The following NBAS variants were observed in gnomAD, a reference collection of about 807,000 sequenced individuals.
The protein encoded by NBAS is NBAS subunit of NRZ tethering complex.
A neutral mutation model predicts 302.5 loss-of-function variants in NBAS; 219 were observed. That is an observed-to-expected ratio of 0.72 (90% CI 0.65 to 0.81). NBAS has a LOEUF of 0.81. Among genes scored for constraint, NBAS ranks in the 30% least tolerant of loss-of-function variants. NBAS has a pLI of 0.00. For missense variants in NBAS, 2,932 were observed against 2,841.6 expected (o/e 1.03, Z -0.72); for synonymous variants, 1,118 against 1,021.6 (o/e 1.09, Z -1.80).
At chr2:15,219,944 G>A (rs1445406149) in intron 47 of NBAS, among the ~76,000 whole-genome samples, 50 of 133,974 alleles carry the variant, frequency 3.7e-4, no homozygotes, top group Admixed American at 4.6e-4. Flanking sequence ...GCGGCTGGCC[G>A]GGCAGAGGGC....
the NBAS span, among the ~76,000 whole-genome samples, chr2:14,978,856 C>T: frequency 3.3e-4 from 50 of 152,258 alleles, no homozygotes; most frequent in Non-Finnish European, 5.9e-4. Context: ...ATTTCAACCC[C>T]GATAAATACC....
the NBAS span, among the ~76,000 whole-genome samples, chr2:15,112,692 T>C: frequency 6.6e-6 from 1 of 152,188 alleles, no homozygotes; most frequent in Non-Finnish European, 1.5e-5. Flanking sequence ...AATTTTGACA[T>C]AAATACTGAA....
At chr2:15,260,901 C>G (rs1383450433) in intron 44 of NBAS, among the ~76,000 whole-genome samples, 1 of 152,156 alleles carries the variant, frequency 6.6e-6, no homozygotes, top group African/African-American at 2.4e-5. Flanking sequence ...AGGGGAGATA[C>G]ATTCTGATGT....
the NBAS span, among the ~76,000 whole-genome samples, chr2:15,045,054 C>T: frequency 0.021 from 3,256 of 152,282 alleles, 138 homozygotes; most frequent in East Asian, 0.1. Flanking sequence ...AAAGACTGAT[C>T]AATTTCTAAA....
chr2:14,922,751 T>C, the NBAS span, among the ~76,000 whole-genome samples: 1 of 152,218 alleles, frequency 6.6e-6, no homozygotes, highest in African/African-American at 2.4e-5. Context: ...CAGTAGGCTT[T>C]TTAGAAAGAC....
At chr2:15,011,597 G>A in the NBAS span, among the ~76,000 whole-genome samples, 2 of 151,960 alleles carry the variant, frequency 1.3e-5, no homozygotes, top group Non-Finnish European at 2.9e-5. Context: ...CCTCCAGGCT[G>A]ACTTAGCAAT....
chr2:15,196,267 C>A (rs1558427991), intron 48 of NBAS, among the ~76,000 whole-genome samples: 2 of 152,160 alleles, frequency 1.3e-5, no homozygotes, highest in Non-Finnish European at 2.9e-5. Context: ...TGAACCTATA[C>A]AGGTATAAAA....
chr2:15,156,383 G>T, the NBAS span, among the ~76,000 whole-genome samples: 1 of 152,202 alleles, frequency 6.6e-6, no homozygotes, highest in African/African-American at 2.4e-5. Flanking sequence ...CTCTGTCTGT[G>T]TGGAAAGCTG....
the NBAS span, among the ~76,000 whole-genome samples, chr2:14,985,342 G>C: frequency 6.6e-6 from 1 of 152,256 alleles, no homozygotes. Context: ...ACAACTTCAG[G>C]AACAAGTCAA....
At position 15,449,670 on chromosome 2, in the gene NBAS, C is replaced by T. The variant is rs139148977; in HGVS notation, c.2339+11531G>A. Among the ~76,000 whole-genome samples, 773 of 152,200 alleles carry T rather than the reference C, an allele frequency of 5.1e-3. 2 individuals carry two copies. Among genetic ancestry groups the T allele is most frequent in the African/African-American group, 0.017 (687 of 41,508 alleles). ...CCCACAGTGCCAGAAGACATGCAAA[C>T]CAATTACCCCTACCACCAGATCCTA... is the stretch of plus-strand genomic sequence containing the variant. On this transcript the variant is annotated intron_variant, in intron 21 of 51. Coordinates refer to ENST00000281513, the MANE Select transcript of NBAS (RefSeq NM_015909.4).
At chr2:15,120,659 G>C in the NBAS span, among the ~76,000 whole-genome samples, 4 of 152,250 alleles carry the variant, frequency 2.6e-5, no homozygotes, top group Middle Eastern at 3.4e-3. Context: ...ATTCTCTTTT[G>C]GCATTCTGCC....
At chr2:15,351,901 C>A in intron 35 of NBAS, 91 bp downstream of exon 35, 1 of 916,716 alleles carries the variant, frequency 1.1e-6, no homozygotes. Flanking sequence ...CACACACACA[C>A]ACAAAACCCC....
chr2:15,177,694 A>T (rs185463106), intron 51 of NBAS, among the ~76,000 whole-genome samples: 1 of 152,214 alleles, frequency 6.6e-6, no homozygotes, highest in Admixed American at 6.5e-5. Context: ...TCTTGGATTT[A>T]TAAGAAAAAA....
chr2:15,464,836 C>A (rs373833931), intron 19 of NBAS, among the ~76,000 whole-genome samples: 3 of 152,176 alleles, frequency 2.0e-5, no homozygotes, highest in South Asian at 2.1e-4. Context: ...TCTGTGCCAC[C>A]CCTCACGCTC....
At chr2:15,237,562 ATT>A (rs1667651193) in intron 45 of NBAS, among the ~76,000 whole-genome samples, 2 of 50,030 alleles carry the variant, frequency 4.0e-5, no homozygotes, top group South Asian at 1.1e-3. Context: ...AAATCAAAAT[ATT>A]TATTTATTTA....
At chr2:15,527,571 G>A (rs1264664624) in intron 9 of NBAS, among the ~76,000 whole-genome samples, 1 of 152,150 alleles carries the variant, frequency 6.6e-6, no homozygotes, top group Non-Finnish European at 1.5e-5. Flanking sequence ...GAAAGACAAC[G>A]CGTGGAGCCT....
intron 45 of NBAS, among the ~76,000 whole-genome samples, chr2:15,235,931 C>A (rs771797225): frequency 3.3e-5 from 5 of 152,054 alleles, no homozygotes; most frequent in Non-Finnish European, 5.9e-5. Flanking sequence ...AGGATGAAAG[C>A]CTTCAACTTT....
the NBAS span, among the ~76,000 whole-genome samples, chr2:14,873,148 T>G: frequency 6.6e-6 from 1 of 152,144 alleles, no homozygotes; most frequent in Non-Finnish European, 1.5e-5. Context: ...GATTAGTCCA[T>G]TTCACAGAGA....
At chr2:14,787,296 T>C in the NBAS span, among the ~76,000 whole-genome samples, 1 of 152,224 alleles carries the variant, frequency 6.6e-6, no homozygotes, top group African/African-American at 2.4e-5. Context: ...CTGTGTCTTT[T>C]AATTGGAGCA....
Sources: gnomAD v4.1 joint callset for allele counts (sites outside exome capture counted in the v4.1 genomes callset) on GRCh38, gnomAD v4.1.1 for gene constraint, MANE v1.5 for transcripts, NCBI Gene and HGNC (gene_info 2026-07-23, HGNC 2026-07-21) for gene names.